MARCHF2: variants seen among roughly 807,000 people sequenced by gnomAD.
MARCHF2 encodes membrane associated ring-CH-type finger 2.
In MARCHF2, 22 loss-of-function variants were observed where a neutral mutation model predicts 24.0. The ratio of observed to expected loss-of-function variants is 0.92; its 90% confidence interval spans 0.66 to 1.31. MARCHF2 has a LOEUF of 1.31. Ranked by LOEUF, MARCHF2 falls within the 50% of genes most tolerant of loss-of-function variation. The pLI is 0.00. For synonymous variants in MARCHF2, 154 were observed against 153.0 expected, an observed-to-expected ratio of 1.01 and a Z score of -0.05; for missense variants, 301 against 335.3, an observed-to-expected ratio of 0.90 and a Z score of 0.80.
intron 4 of MARCHF2, among the ~76,000 whole-genome samples, chr19:8,432,179 AG>A (rs1967603903): frequency 6.6e-6 from 1 of 152,042 alleles, no homozygotes; most frequent in South Asian, 2.1e-4. Context: ...AAAGAAAGAA[AG>A]AAAAGAAAAG....
At chr19:8,421,497 G>A (rs1446287495) in intron 1 of MARCHF2, among the ~76,000 whole-genome samples, 3 of 151,436 alleles carry the variant, frequency 2.0e-5, no homozygotes, top group Non-Finnish European at 4.4e-5. Context: ...AAAGTGCTGG[G>A]ATTACAGGCG....
chr19:8,416,038 A>G (rs1343263842), intron 1 of MARCHF2, among the ~76,000 whole-genome samples: 1 of 152,000 alleles, frequency 6.6e-6, no homozygotes, highest in Non-Finnish European at 1.5e-5. Flanking sequence ...AAACGGAGTG[A>G]GGATTGAGAA....
chr19:8,435,790 G>A (rs7409068), intron 4 of MARCHF2, among the ~76,000 whole-genome samples: 150,661 of 151,304 alleles, frequency 1, 75,016 homozygotes, highest in Middle Eastern at 1. Context: ...TGGCTTCCCA[G>A]AGTGCTGGGA....
Position 8,421,660 on chromosome 19 carries a change from T to C in MARCHF2, c.-52-129T>C, listed in dbSNP as rs538800665. On this transcript the variant is annotated intron_variant, in intron 1 of 4. Coordinates refer to ENST00000215555, the MANE Select transcript of MARCHF2 (RefSeq NM_001005415.2). ...GCCCTACAGAGGCCCATTTTACAGA[T>C]GGTGCAAACTGAGGCTCAGAGATGT... The C allele has an allele frequency of 5.0e-5, 26 of 518,424 alleles. No individual in the cohort carries two copies. In the East Asian group the frequency reaches 8.5e-4, roughly 17 times the overall value. The allele number at this position is 518,424 out of a possible 1,614,324, so 32.1% of individuals were successfully genotyped here.
intron 1 of MARCHF2, among the ~76,000 whole-genome samples, chr19:8,421,009 G>T (rs2145542209): frequency 6.6e-6 from 1 of 151,938 alleles, no homozygotes; most frequent in Admixed American, 6.6e-5. Flanking sequence ...GTGTTGCCTA[G>T]GCTGGTCTCA....
intron 4 of MARCHF2, among the ~76,000 whole-genome samples, chr19:8,437,123 G>A (rs556574494): frequency 2.6e-5 from 4 of 152,078 alleles, no homozygotes; most frequent in Non-Finnish European, 1.5e-5. Context: ...GGGACCACAG[G>A]CCTGGGCCAC....
chr19:8,435,592 G>A lies in MARCHF2; in HGVS notation c.583-2796G>A, dbSNP rs148289806. On this transcript the variant is annotated intron_variant, in intron 4 of 4. Coordinates refer to ENST00000215555, the MANE Select transcript of MARCHF2 (RefSeq NM_001005415.2). The stretch of plus-strand genomic sequence containing the variant: ...CTCGCCCTGTCTCTCAGACTGGAGT[G>A]CAGTGGTGTGATCTCCGCTCACTGC... 2.5e-3 allele frequency among the ~76,000 whole-genome samples: 388 copies of A among 152,274 alleles called. 1 individual carries two copies. Among genetic ancestry groups the A allele is most frequent in the African/African-American group, 8.8e-3 (364 of 41,550 alleles).
intron 3 of MARCHF2, among the ~76,000 whole-genome samples, chr19:8,428,330 G>A (rs956849137): frequency 2.0e-5 from 3 of 151,062 alleles, no homozygotes; most frequent in Middle Eastern, 3.4e-3. Flanking sequence ...TGAGGCAGGA[G>A]ACTGGCTTGA....
chr19:8,434,188 G>A (rs935925860), intron 4 of MARCHF2, among the ~76,000 whole-genome samples: 9 of 149,226 alleles, frequency 6.0e-5, no homozygotes, highest in Non-Finnish European at 1.2e-4. Flanking sequence ...GGGCTCAAGC[G>A]ATTCTCCTGT....
At chr19:8,415,729 AAAAAAC>A (rs1200377879) in intron 1 of MARCHF2, among the ~76,000 whole-genome samples, 1 of 94,840 alleles carries the variant, frequency 1.1e-5, no homozygotes. Flanking sequence ...CTCAAAAAAA[AAAAAAC>A]AAAAAAAACA....
chr19:8,425,192 G>A (rs1269980616), intron 2 of MARCHF2, among the ~76,000 whole-genome samples: 2 of 151,886 alleles, frequency 1.3e-5, no homozygotes, highest in East Asian at 1.9e-4. Flanking sequence ...TGGCTAACAC[G>A]GTGAAACCCC....
At position 8,437,500 on chromosome 19, in the gene MARCHF2, C is replaced by A. The variant is rs564249215; in HGVS notation, c.583-888C>A. 2.4e-3 allele frequency among the ~76,000 whole-genome samples: 359 copies of A among 150,616 alleles called. 1 individual carries two copies. The highest frequency in any genetic ancestry group is 4.1e-3 in the Non-Finnish European group (280 of 67,590). ...CCGAGTAGCTGGGATTACAGGCGCC[C>A]ACCACCACGGCCGGCTAATTTTTTG... On this transcript the variant is annotated intron_variant, in intron 4 of 4. Coordinates refer to ENST00000215555, the MANE Select transcript of MARCHF2 (RefSeq NM_001005415.2).
chr19:8,426,366 T>C (rs116270843), intron 2 of MARCHF2, among the ~76,000 whole-genome samples: 3,225 of 151,604 alleles, frequency 0.021, 115 homozygotes, highest in African/African-American at 0.073. Context: ...GAGAGGGTGC[T>C]GCAGGGTCCC....
intron 4 of MARCHF2, among the ~76,000 whole-genome samples, chr19:8,434,040 C>T (rs931697796): frequency 1.3e-5 from 2 of 151,762 alleles, no homozygotes; most frequent in African/African-American, 4.8e-5. Context: ...TAGGGGAGTC[C>T]CTGCCTCACA....
At chr19:8,420,377 A>T (rs1238403482) in intron 1 of MARCHF2, among the ~76,000 whole-genome samples, 1 of 148,840 alleles carries the variant, frequency 6.7e-6, no homozygotes, top group Non-Finnish European at 1.5e-5. Context: ...TATAAATAAA[A>T]ATACAAAAAC....
intron 1 of MARCHF2, among the ~76,000 whole-genome samples, chr19:8,414,701 A>G (rs1049354356): frequency 6.6e-6 from 1 of 152,170 alleles, no homozygotes; most frequent in Non-Finnish European, 1.5e-5. Flanking sequence ...ACCTTCAGGA[A>G]AAGGAGCCTG....
Position 8,438,420 on chromosome 19 carries a change from C to A in MARCHF2, c.615C>A (p.Ser205=). The part of the protein sequence containing the change: ...VSFRYHCQLY[S]EWRKTNQKVR... ...TCCGCTACCACTGCCAGCTGTACTC[C>A]GAGTGGAGAAAGACCAACCAGAAAG... The change falls in exon 5 of 5, where the codon TCC becomes TCA. Residue 205 remains serine (S), a synonymous_variant. Transcript: ENST00000215555. 6.2e-7 allele frequency: 1 copy of A among 1,613,992 alleles called. No homozygotes were observed. The highest frequency in any genetic ancestry group is 8.5e-7 in the Non-Finnish European group (1 of 1,180,028).
rs1336200402 is a variant in MARCHF2, at chr19:8,438,798, A to G, written c.*252A>G. ...GTCCTGAGCTCTGGACGGAGCAGGC[A>G]CCCTGATCTCATTCTGAGGTCCACA... On this transcript the variant is annotated 3_prime_UTR_variant, in exon 5 of 5. Coordinates refer to ENST00000215555, the MANE Select transcript of MARCHF2 (RefSeq NM_001005415.2). 1 of 380,488 alleles carries G rather than the reference A, an allele frequency of 2.6e-6. No individual in the cohort carries two copies. The highest frequency in any genetic ancestry group is 4.1e-5 in the East Asian group (1 of 24,232). 23.6% of individuals were successfully genotyped at this position (380,488 alleles called of 1,614,324 possible).
At chr19:8,415,741 A>G in intron 1 of MARCHF2, among the ~76,000 whole-genome samples, 1 of 52,466 alleles carries the variant, frequency 1.9e-5, no homozygotes, top group Middle Eastern at 0.01. Flanking sequence ...AAAACAAAAA[A>G]AACAAAAAAA....
Sources: gnomAD v4.1 joint callset for allele counts (sites outside exome capture counted in the v4.1 genomes callset) on GRCh38, gnomAD v4.1.1 for gene constraint, MANE v1.5 for transcripts, NCBI Gene and HGNC (gene_info 2026-07-23, HGNC 2026-07-21) for gene names.